AFF1: variants seen among roughly 807,000 people sequenced by gnomAD.
The protein encoded by AFF1 is ALF transcription elongation factor 1, also known as AF4/FMR2 family member 1.
In AFF1, 48 loss-of-function variants were observed where a neutral mutation model predicts 121.7. That is an observed-to-expected ratio of 0.39 (90% CI 0.31 to 0.50). The LOEUF (loss-of-function observed/expected upper bound fraction) is 0.50, where lower values mean the gene tolerates loss of function less well. Ranked by LOEUF, AFF1 falls within the 20% of genes least tolerant of loss-of-function variation. AFF1 has a pLI of 0.76. For synonymous variants in AFF1, 613 were observed against 563.0 expected, an observed-to-expected ratio of 1.09 and a Z score of -1.26; for missense variants, 1,523 against 1,511.7, an observed-to-expected ratio of 1.01 and a Z score of -0.12.
intron 5 of AFF1, 136 bp from the exon 6 acceptor site, chr4:87,089,848 A>T: frequency 5.7e-5 from 33 of 575,010 alleles, no homozygotes; most frequent in East Asian, 9.5e-5. Context: ...TGTTTTTTTT[A>T]AGTACATGAA....
chr4:87,119,036 A>AGCTGC (rs58435378), intron 12 of AFF1, among the ~76,000 whole-genome samples: 2 of 151,188 alleles, frequency 1.3e-5, no homozygotes, highest in East Asian at 1.9e-4. Context: ...TTCATTTTCC[A>AGCTGC]CACAGAAAAA....
chr4:87,036,814 T>C, intron 2 of AFF1: 1 of 514,592 alleles, frequency 1.9e-6, no homozygotes. Context: ...TATCTGCTTT[T>C]TTTCTCTCTC....
At chr4:87,015,503 G>A (rs1578065958) in intron 2 of AFF1, among the ~76,000 whole-genome samples, 1 of 152,316 alleles carries the variant, frequency 6.6e-6, no homozygotes, top group Middle Eastern at 3.4e-3. Flanking sequence ...AAAATTCAAA[G>A]TGCCACTGGA....
chr4:86,986,040 C>CAATTCAATTTAATTTAATTT (rs778774808), intron 2 of AFF1, among the ~76,000 whole-genome samples: 78 of 135,610 alleles, frequency 5.8e-4, no homozygotes, highest in African/African-American at 2.1e-3. Context: ...TAATTCAATT[C>CAATTCAATTTAATTTAATTT]AATTTAATTT....
At chr4:87,072,656 G>A (rs1228884617) in intron 4 of AFF1, among the ~76,000 whole-genome samples, 1 of 151,982 alleles carries the variant, frequency 6.6e-6, no homozygotes, top group Non-Finnish European at 1.5e-5. Context: ...CAGTAGCTGG[G>A]ATTACACGCT....
At chr4:87,055,006 T>G (rs761241973) in intron 4 of AFF1, among the ~76,000 whole-genome samples, 1 of 152,082 alleles carries the variant, frequency 6.6e-6, no homozygotes, top group Non-Finnish European at 1.5e-5. Context: ...TCTTTAGAGT[T>G]TCTCTCTCTC....
intron 2 of AFF1, among the ~76,000 whole-genome samples, chr4:87,045,471 C>T (rs1730591181): frequency 6.6e-6 from 1 of 151,706 alleles, no homozygotes. Flanking sequence ...CCTTTAGTGC[C>T]AGGGCTGATG....
At chr4:87,003,794 T>C (rs1271543249) in intron 2 of AFF1, among the ~76,000 whole-genome samples, 7 of 152,174 alleles carry the variant, frequency 4.6e-5, no homozygotes, top group African/African-American at 1.7e-4. Context: ...AAAAAATTAT[T>C]GAGAGTAGAC....
At position 87,105,617 on chromosome 4, in the gene AFF1, G is replaced by C. The variant is rs1426800774; in HGVS notation, c.1284-11G>C. ...CACATTCATTCTTCTCTGTGTCCCT[G>C]CCCATTCCAGCATGCTCGAAGACGA... On this transcript the variant is annotated splice_polypyrimidine_tract_variant and intron_variant, in intron 8 of 20. Coordinates refer to ENST00000395146, the MANE Select transcript of AFF1 (RefSeq NM_001166693.3). 2 of 1,614,146 alleles carry C rather than the reference G, an allele frequency of 1.2e-6. No individual in the cohort carries two copies. Among genetic ancestry groups the C allele is most frequent in the South Asian group, 2.2e-5 (2 of 91,080 alleles).
At chr4:86,969,064 G>A (rs896298902) in intron 2 of AFF1, among the ~76,000 whole-genome samples, 5 of 152,228 alleles carry the variant, frequency 3.3e-5, no homozygotes, top group Admixed American at 3.3e-4. Context: ...GCCTCTCCAC[G>A]GAGCGCCTCC....
intron 16 of AFF1, among the ~76,000 whole-genome samples, chr4:87,128,373 A>G (rs537585252): frequency 6.6e-6 from 1 of 152,316 alleles, no homozygotes; most frequent in Admixed American, 6.5e-5. Context: ...ATGCTTTTAC[A>G]TCACTACTGC....
intron 20 of AFF1, 64 bp downstream of exon 20, chr4:87,134,758 T>C: frequency 1.5e-6 from 2 of 1,328,390 alleles, no homozygotes. Context: ...TAAACATTGG[T>C]TTATATTTTA....
At chr4:87,093,555 C>G (rs1225181241) in intron 7 of AFF1, among the ~76,000 whole-genome samples, 1 of 152,098 alleles carries the variant, frequency 6.6e-6, no homozygotes, top group African/African-American at 2.4e-5. Flanking sequence ...GTTATATGTC[C>G]ACAATTGCAA....
intron 2 of AFF1, among the ~76,000 whole-genome samples, chr4:86,999,975 C>T (rs1010444240): frequency 6.6e-6 from 1 of 151,902 alleles, no homozygotes; most frequent in African/African-American, 2.4e-5. Context: ...AAAGGGTGCT[C>T]GAAACACAAA....
chr4:87,111,582 G>A (rs1726536273), intron 11 of AFF1, among the ~76,000 whole-genome samples: 1 of 151,810 alleles, frequency 6.6e-6, no homozygotes, highest in Non-Finnish European at 1.5e-5. Context: ...TTGAACTCCT[G>A]ACCTCAAGTG....
chr4:87,093,727 C>G (rs1356508209), intron 7 of AFF1, among the ~76,000 whole-genome samples: 1 of 152,174 alleles, frequency 6.6e-6, no homozygotes, highest in African/African-American at 2.4e-5. Flanking sequence ...AGAGCTGCTG[C>G]CACCATGAGG....
chr4:87,059,326 C>G (rs1720488655), intron 4 of AFF1, among the ~76,000 whole-genome samples: 1 of 152,236 alleles, frequency 6.6e-6, no homozygotes, highest in South Asian at 2.1e-4. Flanking sequence ...ACTTCACACA[C>G]AGAATGTTCT....
chr4:87,133,545 T>G (rs1000459309), intron 19 of AFF1, among the ~76,000 whole-genome samples: 31 of 152,210 alleles, frequency 2.0e-4, no homozygotes, highest in Admixed American at 2.0e-4. Context: ...GTCAATCACA[T>G]TATTTACATA....
chr4:87,018,954 G>A lies in AFF1; in HGVS notation c.39-27212G>A, dbSNP rs75831319. Among the ~76,000 whole-genome samples the A allele has an allele frequency of 1.1e-3, 169 of 152,300 alleles. 5 individuals are homozygous for A. In the East Asian group the frequency reaches 0.031, roughly 28 times the overall value. ...CAGTGAGGTACAGTTATAAGGAAGT[G>A]AAGATTTAGACAGTAAGGAGGGCAT... On this transcript the variant is annotated intron_variant, in intron 2 of 20. Transcript: ENST00000395146.
Sources: gnomAD v4.1 joint callset for allele counts (sites outside exome capture counted in the v4.1 genomes callset) on GRCh38, gnomAD v4.1.1 for gene constraint, MANE v1.5 for transcripts, NCBI Gene and HGNC (gene_info 2026-07-23, HGNC 2026-07-21) for gene names.